The following LINGO2 variants were observed in gnomAD, a reference collection of about 807,000 sequenced individuals.
LINGO2 encodes leucine rich repeat and Ig domain containing 2.
Under a neutral mutation model 30.6 loss-of-function variants are expected in LINGO2, and 14 were observed. The ratio of observed to expected loss-of-function variants is 0.46; its 90% confidence interval spans 0.30 to 0.72. LINGO2 has a LOEUF of 0.72. Ranked by LOEUF, LINGO2 falls within the 30% of genes least tolerant of loss-of-function variation. The pLI, the probability that LINGO2 is intolerant of heterozygous loss-of-function variation, is 0.07. For missense variants in LINGO2, 729 were observed against 751.7 expected, an observed-to-expected ratio of 0.97 and a Z score of 0.35; for synonymous variants, 317 against 288.5, an observed-to-expected ratio of 1.10 and a Z score of -1.00.
chr9:29,155,599 AAAG>A, the LINGO2 span, among the ~76,000 whole-genome samples: 2 of 151,716 alleles, frequency 1.3e-5, no homozygotes, highest in African/African-American at 4.8e-5. Context: ...ATGAGGAAAA[AAAG>A]AAGAAAATGA....
At chr9:27,954,005 T>G (rs529656705) in intron 5 of LINGO2, among the ~76,000 whole-genome samples, 18 of 152,186 alleles carry the variant, frequency 1.2e-4, no homozygotes, top group Non-Finnish European at 2.4e-4. Context: ...CATTATGAAT[T>G]CTGAATTTTT....
At chr9:28,938,104 T>C in the LINGO2 span, among the ~76,000 whole-genome samples, 1 of 152,232 alleles carries the variant, frequency 6.6e-6, no homozygotes, top group East Asian at 1.9e-4. Flanking sequence ...CAGTTATCTC[T>C]TTTGTTCCAT....
At chr9:28,150,533 G>A (rs62556553) in intron 4 of LINGO2, among the ~76,000 whole-genome samples, 10,316 of 152,092 alleles carry the variant, frequency 0.068, 427 homozygotes, top group African/African-American at 0.11. Context: ...GCAGTGAGCC[G>A]AGATCGCACC....
chr9:28,055,859 T>C (rs1035815471), intron 4 of LINGO2, among the ~76,000 whole-genome samples: 16 of 152,126 alleles, frequency 1.1e-4, no homozygotes, highest in Non-Finnish European at 1.5e-5. Flanking sequence ...CTTACTTTGG[T>C]TTCGAAGGAG....
chr9:29,175,836 T>C, the LINGO2 span, among the ~76,000 whole-genome samples: 1 of 152,172 alleles, frequency 6.6e-6, no homozygotes. Context: ...AAGGAAATAA[T>C]ATTTTTTTAA....
At chr9:28,252,064 T>C (rs1822220632) in intron 4 of LINGO2, among the ~76,000 whole-genome samples, 1 of 152,184 alleles carries the variant, frequency 6.6e-6, no homozygotes, top group Non-Finnish European at 1.5e-5. Context: ...ATGAAGATCA[T>C]GCAGTTTAAT....
the LINGO2 span, among the ~76,000 whole-genome samples, chr9:28,996,966 G>T: frequency 2.5e-4 from 38 of 152,142 alleles, 1 homozygote; most frequent in African/African-American, 9.2e-4. Flanking sequence ...CGCTTTCTCT[G>T]CCAACATGTA....
At chr9:29,212,101 G>A in the LINGO2 span, among the ~76,000 whole-genome samples, 1 of 152,204 alleles carries the variant, frequency 6.6e-6, no homozygotes, top group Non-Finnish European at 1.5e-5. Flanking sequence ...TCCCGGGGCT[G>A]CCCTCAGGGT....
intron 4 of LINGO2, among the ~76,000 whole-genome samples, chr9:28,254,845 T>C (rs1020336043): frequency 3.3e-5 from 5 of 152,122 alleles, no homozygotes; most frequent in African/African-American, 9.7e-5. Flanking sequence ...GGGTTTGTTG[T>C]ACAGATTATT....
At chr9:28,276,016 T>G (rs1437090498) in intron 4 of LINGO2, among the ~76,000 whole-genome samples, 4 of 152,150 alleles carry the variant, frequency 2.6e-5, no homozygotes, top group Non-Finnish European at 5.9e-5. Flanking sequence ...TAATTTTGAT[T>G]TATACAAAAT....
chr9:29,178,047 TTTTA>T, the LINGO2 span, among the ~76,000 whole-genome samples: 1 of 151,852 alleles, frequency 6.6e-6, no homozygotes, highest in Admixed American at 6.6e-5. Context: ...AATACTTTTA[TTTTA>T]TTTATTTATT....
Position 28,206,164 on chromosome 9 carries a change from CAAAAAAAAAAAA to C in LINGO2, c.-87+89032_-87+89043del, listed in dbSNP as rs34169188. On this transcript the variant is annotated intron_variant, in intron 4 of 5. Transcript: ENST00000379992. ...TGAGTGACAGAGTGAGACCCTGTTT[CAAAAAAAAAAAA>C]AAAAAAAAAAAAAAGGAGGAAGGAA... Among the ~76,000 whole-genome samples, 3 of 73,532 alleles carry C rather than the reference CAAAAAAAAAAAA, an allele frequency of 4.1e-5. No homozygotes were observed. The Admixed American group carries it at 5.0e-4, about 12-fold the overall frequency. 48.2% of individuals were successfully genotyped at this position (73,532 alleles called of 152,430 possible). A position where few individuals can be genotyped will look rare whatever the true frequency, so the allele number is the denominator to read the frequency against.
chr9:27,949,658 C>T (rs1563845784), exon 6 of LINGO2: 1 of 1,614,116 alleles, frequency 6.2e-7, no homozygotes, highest in South Asian at 1.1e-5. Context: ...AGAAGACATT[C>T]TCTTCCAAAG....
the LINGO2 span, among the ~76,000 whole-genome samples, chr9:28,847,537 T>G: frequency 6.8e-6 from 1 of 146,664 alleles, no homozygotes; most frequent in African/African-American, 2.6e-5. Context: ...CCATGGAGCA[T>G]ATCCAAGTCC....
At chr9:28,518,571 C>T (rs796551751) in intron 1 of LINGO2, among the ~76,000 whole-genome samples, 4 of 152,200 alleles carry the variant, frequency 2.6e-5, no homozygotes, top group African/African-American at 9.6e-5. Flanking sequence ...CTCCTTGAAC[C>T]AGGAGAAAAG....
chr9:28,877,554 A>C, the LINGO2 span, among the ~76,000 whole-genome samples: 10 of 151,844 alleles, frequency 6.6e-5, no homozygotes, highest in African/African-American at 1.9e-4. Context: ...CAAAGATCAG[A>C]TAGTTGTAGA....
intron 4 of LINGO2, among the ~76,000 whole-genome samples, chr9:28,262,126 A>G (rs1430358708): frequency 6.6e-6 from 1 of 151,962 alleles, no homozygotes; most frequent in Non-Finnish European, 1.5e-5. Context: ...CTTTTTGTGC[A>G]TGCTTTTTTT....
At chr9:29,069,659 A>G in the LINGO2 span, among the ~76,000 whole-genome samples, 1 of 152,030 alleles carries the variant, frequency 6.6e-6, no homozygotes, top group Non-Finnish European at 1.5e-5. Context: ...TTAGTCTCTC[A>G]ATATATCCCT....
the LINGO2 span, among the ~76,000 whole-genome samples, chr9:28,756,192 A>G: frequency 6.6e-6 from 1 of 151,940 alleles, no homozygotes; most frequent in Admixed American, 6.6e-5. Flanking sequence ...CATGCCCTGG[A>G]TGTGAGATGT....
Sources: allele counts gnomAD v4.1 joint callset (sites outside exome capture counted in the v4.1 genomes callset), GRCh38; gene constraint gnomAD v4.1.1; transcripts MANE v1.5; gene names NCBI Gene and HGNC (gene_info 2026-07-23, HGNC 2026-07-21).